The following NCAM2 variants were observed in gnomAD, a reference collection of about 807,000 sequenced individuals.
NCAM2 encodes the protein N-CAM-2.
Under a neutral mutation model 98.1 loss-of-function variants are expected in NCAM2, and 30 were observed. That is an observed-to-expected ratio of 0.31 (90% CI 0.23 to 0.41). The LOEUF is 0.41. Among genes scored for constraint, NCAM2 ranks in the 10% least tolerant of loss-of-function variants. The pLI is 1.00. For synonymous variants in NCAM2, 368 were observed against 342.4 expected (o/e 1.07, Z -0.83); for missense variants, 867 against 1,005.8 (o/e 0.86, Z 1.87).
intron 9 of NCAM2, among the ~76,000 whole-genome samples, chr21:21,386,080 T>C (rs1197231978): frequency 6.6e-6 from 1 of 152,108 alleles, no homozygotes; most frequent in East Asian, 1.9e-4. Flanking sequence ...CACAGAATCA[T>C]GTTACTTATT....
rs571541256 is a variant in NCAM2, at chr21:21,033,379, A to T, written c.55+34761A>T. ...ATTTAAGTCTATAAAACAAACTGATAGAAGATTAACAGGAAAAAAAGGCAT... is the reference window on the plus strand; with the variant it reads ...ATTTAAGTCTATAAAACAAACTGATTGAAGATTAACAGGAAAAAAAGGCAT... On this transcript the variant is annotated intron_variant, in intron 1 of 17. Transcript: ENST00000400546. 1.2e-4 allele frequency among the ~76,000 whole-genome samples: 19 copies of T among 152,362 alleles called. No homozygotes were observed. In the South Asian group the frequency reaches 3.9e-3, roughly 32 times the overall value.
chr21:21,121,169 ATTATCT>A (rs1416967107), intron 1 of NCAM2, among the ~76,000 whole-genome samples: 3 of 152,310 alleles, frequency 2.0e-5, no homozygotes, highest in South Asian at 4.1e-4. Context: ...ATCTCAGAAG[ATTATCT>A]TTATGAAAGT....
Position 21,508,847 on chromosome 21 carries a change from T to TAAA in NCAM2, c.2078-2_2078-1insAAA. 1 of 987,246 alleles carries TAAA rather than the reference T, an allele frequency of 1.0e-6. No homozygotes were observed. The highest frequency in any genetic ancestry group is 1.5e-6 in the Non-Finnish European group (1 of 683,426). 61.2% of individuals were successfully genotyped at this position (987,246 alleles called of 1,614,324 possible). A position where few individuals can be genotyped will look rare whatever the true frequency, so the allele number is the denominator to read the frequency against. ...TTTTTTTTTTTTTTTTTTTACTTTT[T>TAAA]AAGACACGCTGTTTAATGGTCTTGG... On this transcript the variant is annotated splice_polypyrimidine_tract_variant and splice_region_variant and intron_variant, in intron 15 of 17. Transcript: ENST00000400546.
intron 9 of NCAM2, among the ~76,000 whole-genome samples, chr21:21,375,678 A>G (rs2076017073): frequency 6.6e-6 from 1 of 151,594 alleles, no homozygotes; most frequent in Non-Finnish European, 1.5e-5. Flanking sequence ...TTTAATTAAA[A>G]TTTGTTTATT....
At chr21:21,196,160 G>C (rs1421666312) in intron 1 of NCAM2, among the ~76,000 whole-genome samples, 2 of 152,176 alleles carry the variant, frequency 1.3e-5, no homozygotes. Context: ...CCCACTTTAA[G>C]AAAGAATTTG....
intron 1 of NCAM2, among the ~76,000 whole-genome samples, chr21:21,194,790 C>A (rs2068948207): frequency 6.6e-6 from 1 of 151,994 alleles, no homozygotes; most frequent in Non-Finnish European, 1.5e-5. Flanking sequence ...TATACATTGT[C>A]TAATAATTAC....
In NCAM2 at chr21:21,540,727, C is replaced by T. The variant is rs1350576049; in HGVS notation, c.*2770C>T. 1.3e-5 allele frequency: 2 copies of T among 151,436 alleles called. No homozygotes were observed. Among genetic ancestry groups the T allele is most frequent in the Admixed American group, 6.6e-5 (1 of 15,128 alleles). 9.4% of individuals were successfully genotyped at this position (151,436 alleles called of 1,614,324 possible). Reference sequence around the variant, plus strand: ...TAAGTACTGTTAAAATAATTTGAACCCTATGATATTTTAAACCAAGAGGCA... The same window carrying T: ...TAAGTACTGTTAAAATAATTTGAACTCTATGATATTTTAAACCAAGAGGCA... On this transcript the variant is annotated 3_prime_UTR_variant, in exon 18 of 18. Transcript: ENST00000400546.
At chr21:21,140,876 G>A (rs942869873) in intron 1 of NCAM2, among the ~76,000 whole-genome samples, 3 of 152,170 alleles carry the variant, frequency 2.0e-5, no homozygotes, top group African/African-American at 7.2e-5. Flanking sequence ...TGAGGCCAGA[G>A]TGTAGCAGTT....
At chr21:21,163,932 GC>G in intron 1 of NCAM2, among the ~76,000 whole-genome samples, 1 of 152,048 alleles carries the variant, frequency 6.6e-6, no homozygotes, top group Non-Finnish European at 1.5e-5. Flanking sequence ...GGTTCTGATG[GC>G]CCCAGTTTTC....
At chr21:21,473,066 C>G (rs1169860540) in intron 14 of NCAM2, among the ~76,000 whole-genome samples, 1 of 151,028 alleles carries the variant, frequency 6.6e-6, no homozygotes, top group Non-Finnish European at 1.5e-5. Context: ...AGATTAATAT[C>G]TTTCTCAGAG....
At chr21:21,143,511 T>G (rs2067210331) in intron 1 of NCAM2, among the ~76,000 whole-genome samples, 1 of 152,166 alleles carries the variant, frequency 6.6e-6, no homozygotes, top group Admixed American at 6.5e-5. Context: ...CCTCTCCCAC[T>G]TGTAGAAAAG....
intron 1 of NCAM2, among the ~76,000 whole-genome samples, chr21:21,106,579 G>C (rs2066354300): frequency 6.6e-6 from 1 of 151,548 alleles, no homozygotes; most frequent in Non-Finnish European, 1.5e-5. Context: ...TTTCTTTATA[G>C]TAATAATTTT....
intron 16 of NCAM2, among the ~76,000 whole-genome samples, chr21:21,524,783 A>T (rs1231936239): frequency 6.6e-6 from 1 of 152,102 alleles, no homozygotes; most frequent in African/African-American, 2.4e-5. Context: ...ACACTTTAAA[A>T]CATTTTATAA....
rs535354438 is a variant in NCAM2, at chr21:21,447,988, A to G, written c.1654+15707A>G. ...AACCATCATGGAAGACAGTATGGAGATTCCTGAAAGATCTAGAACCAGAAA... is the reference window on the plus strand; with the variant it reads ...AACCATCATGGAAGACAGTATGGAGGTTCCTGAAAGATCTAGAACCAGAAA... On this transcript the variant is annotated intron_variant, in intron 12 of 17. Coordinates refer to ENST00000400546, the MANE Select transcript of NCAM2 (RefSeq NM_004540.5). Among the ~76,000 whole-genome samples, 3 of 152,256 alleles carry G rather than the reference A, an allele frequency of 2.0e-5. No homozygotes were observed. In the East Asian group the frequency reaches 5.8e-4, roughly 30 times the overall value.
At chr21:21,437,697 C>T (rs1488114978) in intron 12 of NCAM2, among the ~76,000 whole-genome samples, 1 of 151,992 alleles carries the variant, frequency 6.6e-6, no homozygotes, top group Non-Finnish European at 1.5e-5. Context: ...ATAGAAAAAA[C>T]AATTATATGG....
At chr21:21,435,740 T>G (rs933507697) in intron 12 of NCAM2, among the ~76,000 whole-genome samples, 1 of 152,238 alleles carries the variant, frequency 6.6e-6, no homozygotes, top group African/African-American at 2.4e-5. Context: ...GCTGGTACTA[T>G]TCTTTCTACT....
intron 1 of NCAM2, among the ~76,000 whole-genome samples, chr21:21,010,280 T>G (rs2146134568): frequency 6.6e-6 from 1 of 150,618 alleles, no homozygotes; most frequent in Non-Finnish European, 1.5e-5. Flanking sequence ...GGTTTGCAAT[T>G]TAAGAACAAA....
chr21:21,048,462 C>T (rs1471863323), intron 1 of NCAM2, among the ~76,000 whole-genome samples: 1 of 152,072 alleles, frequency 6.6e-6, no homozygotes, highest in Admixed American at 6.6e-5. Flanking sequence ...ACGCCATTCT[C>T]CTGCCTCAGC....
At chr21:21,394,464 G>C (rs2076452548) in intron 9 of NCAM2, among the ~76,000 whole-genome samples, 1 of 119,026 alleles carries the variant, frequency 8.4e-6, no homozygotes, top group Admixed American at 8.4e-5. Context: ...AATTTAAGGG[G>C]CCAGCTTTTT....
Sources: gnomAD v4.1 joint callset for allele counts (sites outside exome capture counted in the v4.1 genomes callset) on GRCh38, gnomAD v4.1.1 for gene constraint, MANE v1.5 for transcripts, NCBI Gene and HGNC (gene_info 2026-07-23, HGNC 2026-07-21) for gene names.